AKR1E2: variants seen among roughly 807,000 people sequenced by gnomAD.
AKR1E2 encodes 1,5-anhydro-D-fructose reductase.
AKR1E2 carries 43 observed loss-of-function variants against 41.9 expected under a neutral mutation model. The observed-to-expected ratio is 1.03, with a 90% confidence interval of 0.80 to 1.32. The LOEUF is 1.32. Among genes scored for constraint, AKR1E2 ranks in the 40% most tolerant of loss-of-function variants. AKR1E2 has a pLI of 0.00. For synonymous variants in AKR1E2, 121 were observed against 138.9 expected (o/e 0.87, Z 0.91); for missense variants, 423 against 396.5 (o/e 1.07, Z -0.57).
At chr10:4,863,056 C>G in the AKR1E2 span, among the ~76,000 whole-genome samples, 1 of 152,142 alleles carries the variant, frequency 6.6e-6, no homozygotes, top group East Asian at 1.9e-4. Context: ...ATCAACGAGA[C>G]AGAAAGTTAG....
At chr10:4,843,163 C>T (rs528103807) in intron 8 of AKR1E2, among the ~76,000 whole-genome samples, 5 of 152,178 alleles carry the variant, frequency 3.3e-5, no homozygotes, top group Non-Finnish European at 5.9e-5. Flanking sequence ...TCAACCCTGA[C>T]GACATAGTCT....
downstream of AKR1E2, among the ~76,000 whole-genome samples, chr10:4,848,355 C>T (rs1078063): frequency 0.21 from 31,208 of 152,216 alleles, 3,401 homozygotes; most frequent in Middle Eastern, 0.34. Flanking sequence ...CAGAAGGAGG[C>T]CCTGCAGAGC....
intron 8 of AKR1E2, chr10:4,845,956 A>G: frequency 4.5e-6 from 2 of 439,952 alleles, no homozygotes; most frequent in Non-Finnish European, 9.2e-6. Flanking sequence ...CCAGGTCCAC[A>G]AGACTCACCA....
chr10:4,852,901 G>A (rs1026834287), downstream of AKR1E2, among the ~76,000 whole-genome samples: 1 of 152,118 alleles, frequency 6.6e-6, no homozygotes, highest in Admixed American at 6.6e-5. Flanking sequence ...TCCTCACATG[G>A]TCTTCCTTCT....
chr10:4,864,834 G>A, the AKR1E2 span, among the ~76,000 whole-genome samples: 3 of 152,202 alleles, frequency 2.0e-5, no homozygotes, highest in Non-Finnish European at 4.4e-5. Context: ...GTGAATTATA[G>A]TGTGTTCACG....
chr10:4,833,553 AC>A, intron 3 of AKR1E2, 87 bp downstream of exon 3: 1 of 1,170,430 alleles, frequency 8.5e-7, no homozygotes, highest in Non-Finnish European at 1.3e-6. Flanking sequence ...GAGAGCATGG[AC>A]CAGCATTCAG....
chr10:4,844,657 C>T (rs536263221), intron 8 of AKR1E2, among the ~76,000 whole-genome samples: 221 of 152,324 alleles, frequency 1.5e-3, no homozygotes, highest in African/African-American at 5.3e-3. Flanking sequence ...CAAAGGTTCT[C>T]CAAGTCCCCA....
At chr10:4,845,760 C>T in intron 8 of AKR1E2, 1 of 471,114 alleles carries the variant, frequency 2.1e-6, no homozygotes, top group South Asian at 1.5e-5. Flanking sequence ...AGCTGAGATG[C>T]CCCCATTCCT....
the AKR1E2 span, among the ~76,000 whole-genome samples, chr10:4,862,648 T>A: frequency 6.6e-6 from 1 of 152,186 alleles, no homozygotes; most frequent in Non-Finnish European, 1.5e-5. Flanking sequence ...GTCCTTCACA[T>A]CCCTTGTAAG....
At chr10:4,839,601 A>G in intron 5 of AKR1E2, 128 bp from the exon 6 acceptor site, 2 of 782,814 alleles carry the variant, frequency 2.6e-6, no homozygotes. Flanking sequence ...CAACAGAAAC[A>G]CTTAGGCCTG....
the AKR1E2 span, among the ~76,000 whole-genome samples, chr10:4,868,991 TTTTA>T: frequency 6.6e-6 from 1 of 152,160 alleles, no homozygotes; most frequent in Admixed American, 6.5e-5. Context: ...TTGTTCTTAG[TTTTA>T]TTTCTTTCTT....
intron 3 of AKR1E2, 25 bp downstream of exon 3, chr10:4,833,491 C>T: frequency 6.3e-7 from 1 of 1,592,910 alleles, no homozygotes; most frequent in Non-Finnish European, 8.6e-7. Context: ...GTAGTTCGTT[C>T]TGCAGTTTGC....
the AKR1E2 span, among the ~76,000 whole-genome samples, chr10:4,859,108 C>T: frequency 6.6e-6 from 1 of 152,086 alleles, no homozygotes; most frequent in African/African-American, 2.4e-5. Context: ...AGATGTGAGC[C>T]ACTGCACCCA....
chr10:4,829,865 T>C (rs1432391665), intron 1 of AKR1E2, among the ~76,000 whole-genome samples: 1 of 152,212 alleles, frequency 6.6e-6, no homozygotes, highest in African/African-American at 2.4e-5. Flanking sequence ...GTTTTGTTGA[T>C]CTTCTCTGTT....
chr10:4,868,603 A>T, the AKR1E2 span, among the ~76,000 whole-genome samples: 5 of 152,234 alleles, frequency 3.3e-5, no homozygotes, highest in Admixed American at 6.5e-5. Context: ...GTGTTTAAAA[A>T]GAGTGCTGAG....
chr10:4,840,745 G>A (rs988892122), intron 6 of AKR1E2, among the ~76,000 whole-genome samples: 4 of 151,648 alleles, frequency 2.6e-5, no homozygotes, highest in Non-Finnish European at 5.9e-5. Flanking sequence ...TTTAAATCTG[G>A]CAAACTCCAG....
intron 1 of AKR1E2, among the ~76,000 whole-genome samples, chr10:4,826,638 G>A (rs1832535818): frequency 6.6e-6 from 1 of 152,150 alleles, no homozygotes; most frequent in African/African-American, 2.4e-5. Flanking sequence ...GGCTGCGGCC[G>A]CGGCGTTGGG....
chr10:4,849,857 C>T (rs937239806), downstream of AKR1E2, among the ~76,000 whole-genome samples: 3 of 152,166 alleles, frequency 2.0e-5, no homozygotes, highest in Admixed American at 1.3e-4. Flanking sequence ...CTTAATGGTC[C>T]AGTGCATCTG....
chr10:4,859,480 A>T, the AKR1E2 span, among the ~76,000 whole-genome samples: 1 of 152,242 alleles, frequency 6.6e-6, no homozygotes, highest in Non-Finnish European at 1.5e-5. Flanking sequence ...AAATGCAAAC[A>T]AAATCATGAG....
Sources: gnomAD v4.1 joint callset for allele counts (sites outside exome capture counted in the v4.1 genomes callset) on GRCh38, gnomAD v4.1.1 for gene constraint, MANE v1.5 for transcripts, NCBI Gene and HGNC (gene_info 2026-07-23, HGNC 2026-07-21) for gene names.